The following ZNF583 variants were observed in gnomAD, a reference collection of about 807,000 sequenced individuals.
The protein encoded by ZNF583 is zinc finger protein L3-5.
Under a neutral mutation model 55.3 loss-of-function variants are expected in ZNF583, and 30 were observed. The observed-to-expected ratio is 0.54, with a 90% CI of 0.41 to 0.74. ZNF583 has a LOEUF of 0.74. ZNF583 is among the 30% of genes least tolerant of loss of function. The pLI, the probability that ZNF583 is intolerant of heterozygous loss-of-function variation, is 0.00. For synonymous variants in ZNF583, 208 were observed against 220.0 expected (o/e 0.95, Z 0.48); for missense variants, 504 against 664.7 (o/e 0.76, Z 2.66).
chr19:56,415,421 A>C (rs11667815), intron 4 of ZNF583, among the ~76,000 whole-genome samples: 84,660 of 151,270 alleles, frequency 0.56, 24,006 homozygotes, highest in East Asian at 0.88. Flanking sequence ...GAAAAATAGA[A>C]TGATTTAGAG....
Position 56,424,796 on chromosome 19 carries a change from G to GGCA in ZNF583, c.*433_*435dup. 1 of 159,606 alleles carries GGCA rather than the reference G, an allele frequency of 6.3e-6. No individual in the cohort carries two copies. Among genetic ancestry groups the GGCA allele is most frequent in the Non-Finnish European group, 1.4e-5 (1 of 72,402 alleles). The allele number at this position is 159,606 out of a possible 1,614,324, so 9.9% of individuals were successfully genotyped here. ...TCCATTTCCTGCCCTCTAATTTGGG[G>GGCA]GCAGCAGTTTGTGCTTTGTAAGCTT... On this transcript the variant is annotated 3_prime_UTR_variant, in exon 5 of 5. Transcript: ENST00000333201.
chr19:56,420,437 C>T (rs548219996), intron 4 of ZNF583, among the ~76,000 whole-genome samples: 1 of 152,250 alleles, frequency 6.6e-6, no homozygotes, highest in Admixed American at 6.5e-5. Context: ...TAAATTAGAT[C>T]AAAGTAGTTA....
chr19:56,414,624 C>G (rs2042290449), intron 4 of ZNF583, 184 bp downstream of exon 4: 2 of 567,042 alleles, frequency 3.5e-6, no homozygotes, highest in Admixed American at 3.2e-5. Flanking sequence ...TATATTCTCT[C>G]ACAAGTTACA....
Position 56,423,128 on chromosome 19 carries a change from A to G in ZNF583, c.470A>G (p.Glu157Gly), listed in dbSNP as rs1281022456. 1.2e-6 allele frequency: 2 copies of G among 1,612,108 alleles called. No individual in the cohort carries two copies. Among genetic ancestry groups the G allele is most frequent in the Non-Finnish European group, 1.7e-6 (2 of 1,179,540 alleles). Residue 157 changes from glutamate to glycine, a missense_variant, in exon 5 of 5, where the codon GAA (glutamate) becomes GGA (glycine). Around this residue, in one of 3 missense-constraint regions of ZNF583, gnomAD observed 204 missense variants for 235.2 expected, o/e 0.87. Coordinates refer to ENST00000333201, the MANE Select transcript of ZNF583 (RefSeq NM_152478.3). ...ATCCTTCCAGAAGTTCAAAATAAAG[A>G]ATATAACAAATCTTGGCAAACATTC... ...KEILPEVQNK[E>G]YNKSWQTFHQ... is the part of the protein sequence containing the mutation.
chr19:56,423,076 A>G lies in ZNF583; in HGVS notation c.418A>G (p.Ser140Gly), dbSNP rs533061271. The change falls in exon 5 of 5, where the codon AGT becomes GGT. Residue 140 changes from serine (S) to glycine (G), a missense_variant. By Grantham distance (56) the Ser-to-Gly change is moderately conservative. Transcript: ENST00000333201. ...NQLGSQEVHL[S>G]QLIITHKEIL... ...GCTGGGAAGTCAAGAGGTACATCTT[A>G]GTCAATTAATCATCACTCATAAAGA... is the stretch of plus-strand genomic sequence containing the variant. The G allele has an allele frequency of 1.4e-5, 23 of 1,613,272 alleles. No homozygotes were observed. In the South Asian group the frequency reaches 2.5e-4, roughly 18 times the overall value.
At position 56,423,743 on chromosome 19, in the gene ZNF583, G is replaced by C. The variant is rs748357412; in HGVS notation, c.1085G>C (p.Ser362Thr). ...YVCNVCGKAF[S>T]HRGYLIVHQR... ...TGTAATGTGTGTGGGAAAGCCTTTAGCCATCGTGGATACCTAATTGTACAT... is the reference window on the plus strand; with the variant it reads ...TGTAATGTGTGTGGGAAAGCCTTTACCCATCGTGGATACCTAATTGTACAT... The change falls in exon 5 of 5, where the codon AGC (serine) becomes ACC (threonine). Residue 362 changes from serine to threonine, a missense_variant. Ser to Thr is a moderately conservative substitution (Grantham distance 58). Transcript: ENST00000333201. 3.9e-5 allele frequency: 63 copies of C among 1,613,486 alleles called. No homozygotes were observed. Among genetic ancestry groups the C allele is most frequent in the Non-Finnish European group, 4.5e-5 (53 of 1,179,912 alleles).
chr19:56,425,319 CCTG>C lies in ZNF583; in HGVS notation c.*953_*955del, dbSNP rs2042484639. 1.3e-5 allele frequency: 2 copies of C among 152,266 alleles called. No homozygotes were observed. Among genetic ancestry groups the C allele is most frequent in the Admixed American group, 1.3e-4 (2 of 15,264 alleles). The allele number at this position is 152,266 out of a possible 1,614,324, so 9.4% of individuals were successfully genotyped here. A position where few individuals can be genotyped will look rare whatever the true frequency, so the allele number is the denominator to read the frequency against. On this transcript the variant is annotated 3_prime_UTR_variant, in exon 5 of 5. Coordinates refer to ENST00000333201, the MANE Select transcript of ZNF583 (RefSeq NM_152478.3). Reference sequence around the variant, plus strand: ...CCGCCTCCTGTGTTCAAGTGATTCTCCTGCCTCAGCCTCCTGAGTAGCTGGGAT... The same window carrying C: ...CCGCCTCCTGTGTTCAAGTGATTCTCCCTCAGCCTCCTGAGTAGCTGGGAT...
chr19:56,409,868 C>G (rs767977461), intron 2 of ZNF583, among the ~76,000 whole-genome samples: 9 of 151,090 alleles, frequency 6.0e-5, no homozygotes, highest in Non-Finnish European at 1.3e-4. Flanking sequence ...TCCTTTTTTG[C>G]TTTTTTTTGG....
chr19:56,423,502 C>A lies in ZNF583; in HGVS notation c.844C>A (p.His282Asn), dbSNP rs2042453051. The A allele has an allele frequency of 6.2e-7, 1 of 1,613,700 alleles. No homozygotes were observed. Among genetic ancestry groups the A allele is most frequent in the Non-Finnish European group, 8.5e-7 (1 of 1,179,864 alleles). The change falls in exon 5 of 5, where the codon CAC (histidine) becomes AAC (asparagine). Residue 282 changes from histidine (H) to asparagine (N), a missense_variant. Transcript: ENST00000333201. The stretch of plus-strand genomic sequence containing the variant: ...TAGGAAAGCCTTCAGCCAGAATGCA[C>A]ACCTGGCCCAACATCAGAGAGTTCA... ...ECRKAFSQNA[H>N]LAQHQRVHTG...
rs2042494413 is a variant in ZNF583 at position 56,426,723 on chromosome 19, T to C, written c.*2355T>C. 1 of 152,118 alleles carries C rather than the reference T, an allele frequency of 6.6e-6. No individual in the cohort carries two copies. The highest frequency in any genetic ancestry group is 2.1e-4 in the South Asian group (1 of 4,828). The allele number at this position is 152,118 out of a possible 1,614,324, so 9.4% of individuals were successfully genotyped here. A position where few individuals can be genotyped will look rare whatever the true frequency, so the allele number is the denominator to read the frequency against. On this transcript the variant is annotated 3_prime_UTR_variant, in exon 5 of 5. Coordinates refer to ENST00000333201, the MANE Select transcript of ZNF583 (RefSeq NM_152478.3). The stretch of plus-strand genomic sequence containing the variant: ...GCCAATGAAATACTATTTTTTTCAA[T>C]ATCAGATTAATAAAACTGCATTGAA...
At chr19:56,418,398 G>T (rs1190246233) in intron 4 of ZNF583, among the ~76,000 whole-genome samples, 1 of 151,550 alleles carries the variant, frequency 6.6e-6, no homozygotes, top group Non-Finnish European at 1.5e-5. Context: ...AACATAGCAA[G>T]ACTCTGTCTG....
At position 56,422,909 on chromosome 19, in the gene ZNF583, A is replaced by G; in HGVS notation, c.251A>G (p.Lys84Arg). Residue 84 changes from lysine (K) to arginine (R), a missense_variant, in exon 5 of 5, where the codon AAA becomes AGA. By Grantham distance (26) the Lys-to-Arg change is conservative (BLOSUM62 2). Coordinates refer to ENST00000333201, the MANE Select transcript of ZNF583 (RefSeq NM_152478.3). ...CTTTTAGATTGGGAGTATGTATTTA[A>G]AAACAGTGAATTTTCATCAAAGCAA... ...GPCPDWEYVF[K>R]NSEFSSKQET... 1 of 1,604,908 alleles carries G rather than the reference A, an allele frequency of 6.2e-7. No homozygotes were observed. Among genetic ancestry groups the G allele is most frequent in the Non-Finnish European group, 8.5e-7 (1 of 1,176,686 alleles).
Position 56,424,086 on chromosome 19 carries a change from T to C in ZNF583, c.1428T>C (p.Asn476=). 1 of 1,614,100 alleles carries C rather than the reference T, an allele frequency of 6.2e-7. No individual in the cohort carries two copies. Among genetic ancestry groups the C allele is most frequent in the Non-Finnish European group, 8.5e-7 (1 of 1,180,008 alleles). ...CKECRKTFSQ[N]AGLAQHQRIH... ...AATGTAGGAAAACATTTAGCCAGAA[T>C]GCAGGCCTTGCTCAACATCAGAGAA... The change falls in exon 5 of 5, where the codon AAT becomes AAC. Residue 476 remains asparagine (N), a synonymous_variant. Coordinates refer to ENST00000333201, the MANE Select transcript of ZNF583 (RefSeq NM_152478.3).
At chr19:56,413,268 A>T (rs2042265769) in intron 2 of ZNF583, among the ~76,000 whole-genome samples, 1 of 152,218 alleles carries the variant, frequency 6.6e-6, no homozygotes, top group Non-Finnish European at 1.5e-5. Context: ...TGGTTGGCAA[A>T]TGTTGTCTTT....
rs767608380 is a variant in ZNF583 at position 56,423,156 on chromosome 19, C to A, written c.498C>A (p.His166Gln). The change falls in exon 5 of 5, where the codon CAC becomes CAA. Residue 166 changes from histidine (H) to glutamine (Q), a missense_variant. Physicochemically the swap from His to Gln is conservative, Grantham distance 24. This residue lies in a region of ZNF583 where 204 missense variants were observed against 235.2 expected (regional missense o/e 0.87). Transcript: ENST00000333201. The part of the protein sequence containing the change: ...KEYNKSWQTF[H>Q]QDTIFDIQQS... The stretch of plus-strand genomic sequence containing the variant: ...ATAACAAATCTTGGCAAACATTCCA[C>A]CAGGATACAATCTTTGATATACAAC... 25 of 1,612,704 alleles carry A rather than the reference C, an allele frequency of 1.6e-5. No homozygotes were observed. In the South Asian group the frequency reaches 2.6e-4, roughly 17 times the overall value.
rs763845299 is a variant in ZNF583 at position 56,424,267 on chromosome 19, C to T, written c.1609C>T (p.His537Tyr). The T allele has an allele frequency of 9.9e-6, 16 of 1,613,960 alleles. No individual in the cohort carries two copies. Among genetic ancestry groups the T allele is most frequent in the Non-Finnish European group, 1.4e-5 (16 of 1,179,968 alleles). The change falls in exon 5 of 5, where the codon CAT becomes TAT. Residue 537 changes from histidine to tyrosine, a missense_variant. His to Tyr is a moderately conservative substitution (Grantham distance 83). Around this residue, in one of 3 missense-constraint regions of ZNF583, gnomAD observed 63 missense variants for 56.5 expected, o/e 1.11. Coordinates refer to ENST00000333201, the MANE Select transcript of ZNF583 (RefSeq NM_152478.3). The part of the protein sequence containing the change: ...KSFRQRAHLA[H>Y]HERIHTMESF... ...TTTCAGGCAGCGTGCACATCTTGCT[C>T]ATCATGAGAGAATTCATACTATGGA...
intron 4 of ZNF583, 57 bp downstream of exon 4, chr19:56,414,497 C>G: frequency 6.6e-7 from 1 of 1,505,408 alleles, no homozygotes; most frequent in African/African-American, 1.4e-5. Context: ...CTCAGCAATT[C>G]TGAAAGATTT....
intron 2 of ZNF583, among the ~76,000 whole-genome samples, chr19:56,410,786 A>C (rs982567569): frequency 6.6e-6 from 1 of 152,158 alleles, no homozygotes; most frequent in African/African-American, 2.4e-5. Flanking sequence ...GATAGGGCAT[A>C]ATTATACTGT....
intron 4 of ZNF583, among the ~76,000 whole-genome samples, chr19:56,419,661 T>A (rs573107561): frequency 5.4e-3 from 825 of 152,344 alleles, no homozygotes; most frequent in Non-Finnish European, 8.5e-3. Context: ...AATGAAGACA[T>A]CTGGGCCTGA....
Sources: allele counts gnomAD v4.1 joint callset (sites outside exome capture counted in the v4.1 genomes callset), GRCh38; gene constraint gnomAD v4.1.1; regional missense constraint gnomAD v4.1.1; transcripts MANE v1.5; gene names NCBI Gene and HGNC (gene_info 2026-07-23, HGNC 2026-07-21).